The following RNASEH2B variants were observed in gnomAD, a reference collection of about 807,000 sequenced individuals.
The protein encoded by RNASEH2B is Aicardi-Goutieres syndrome 2 protein.
Under a neutral mutation model 45.0 loss-of-function variants are expected in RNASEH2B, and 36 were observed. That is an observed-to-expected ratio of 0.80 (90% CI 0.61 to 1.06). The LOEUF is 1.06. Among genes scored for constraint, RNASEH2B ranks in the 50% least tolerant of loss-of-function variants. The pLI is 0.00. For synonymous variants in RNASEH2B, 119 were observed against 125.7 expected (o/e 0.95, Z 0.35); for missense variants, 361 against 360.3 (o/e 1.00, Z -0.02).
chr13:50,920,943 T>C (rs543232102), intron 1 of RNASEH2B, among the ~76,000 whole-genome samples: 3 of 152,342 alleles, frequency 2.0e-5, no homozygotes, highest in Non-Finnish European at 4.4e-5. Flanking sequence ...GGTTTTAATT[T>C]AATATTTTCT....
At chr13:50,913,591 A>G (rs1459969459) in intron 1 of RNASEH2B, among the ~76,000 whole-genome samples, 1 of 152,214 alleles carries the variant, frequency 6.6e-6, no homozygotes, top group African/African-American at 2.4e-5. Flanking sequence ...CCCCTGATTA[A>G]ACAGTCCTGA....
chr13:50,938,659 A>G (rs542833802), intron 5 of RNASEH2B: 1 of 152,156 alleles, frequency 6.6e-6, no homozygotes, highest in Non-Finnish European at 1.5e-5. Context: ...TGCAGTTGAC[A>G]ATAGGGTTCG....
At chr13:50,956,932 G>A (rs1417176651), downstream of RNASEH2B, among the ~76,000 whole-genome samples, 4 of 142,352 alleles carry the variant, frequency 2.8e-5, no homozygotes, top group South Asian at 2.2e-4. Context: ...ACGGAGTCTC[G>A]CTGTCACCCA....
rs572952064 is a variant in RNASEH2B at position 50,964,177 on chromosome 13, C to T, written c.742-5755C>T. 2.0e-5 allele frequency among the ~76,000 whole-genome samples: 3 copies of T among 152,238 alleles called. No homozygotes were observed. In the South Asian group the frequency reaches 6.2e-4, roughly 32 times the overall value. On this transcript the variant is annotated intron_variant, in intron 9 of 9. Transcript: ENST00000422660. ...TCACACCACTGCACTCCAGTCTGGGCAGTAAGAGGAAACTCCATCTCAAAA... is the reference window on the plus strand; with the variant it reads ...TCACACCACTGCACTCCAGTCTGGGTAGTAAGAGGAAACTCCATCTCAAAA...
chr13:50,909,904 G>A lies in RNASEH2B; in HGVS notation c.-173G>A. 2.0e-6 allele frequency: 1 copy of A among 500,526 alleles called. No individual in the cohort carries two copies. Among genetic ancestry groups the A allele is most frequent in the Non-Finnish European group, 3.5e-6 (1 of 287,080 alleles). The allele number at this position is 500,526 out of a possible 1,614,324, so 31.0% of individuals were successfully genotyped here. A position where few individuals can be genotyped will look rare whatever the true frequency, so the allele number is the denominator to read the frequency against. On this transcript the variant is annotated 5_prime_UTR_variant, in exon 1 of 11. Coordinates refer to ENST00000336617, the MANE Select transcript of RNASEH2B (RefSeq NM_024570.4). Reference sequence around the variant, plus strand: ...ATTTAAAAACGTAACACGAGCAGCAGGCTGGTCTCGGAAACGAAACGAAAT... The same window carrying A: ...ATTTAAAAACGTAACACGAGCAGCAAGCTGGTCTCGGAAACGAAACGAAAT...
At chr13:50,963,969 G>A (rs951119648) in intron 9 of RNASEH2B, among the ~76,000 whole-genome samples, 13 of 152,164 alleles carry the variant, frequency 8.5e-5, no homozygotes, top group Non-Finnish European at 1.9e-4. Flanking sequence ...AGGCCAGGGC[G>A]GGCAGATCAC....
At chr13:50,954,716 AAG>A in intron 10 of RNASEH2B, 1 of 152,332 alleles carries the variant, frequency 6.6e-6, no homozygotes, top group Non-Finnish European at 1.5e-5. Flanking sequence ...AACTAAGACT[AAG>A]AGCTTGGAGA....
rs557026437 is a variant in RNASEH2B at position 50,970,371 on chromosome 13, A to G, written c.*407A>G. On this transcript the variant is annotated 3_prime_UTR_variant, in exon 10 of 10. Coordinates refer to the RNASEH2B transcript ENST00000422660. Reference sequence around the variant, plus strand: ...AAAATCTGACACTGCTTTACTCCATATCAATTTGGAAGCTTCTAATTCATA... The same window carrying G: ...AAAATCTGACACTGCTTTACTCCATGTCAATTTGGAAGCTTCTAATTCATA... 4 of 399,976 alleles carry G rather than the reference A, an allele frequency of 1.0e-5. No individual in the cohort carries two copies. The South Asian group carries it at 1.8e-4, about 18-fold the overall frequency. 24.8% of individuals were successfully genotyped at this position (399,976 alleles called of 1,614,324 possible).
At chr13:50,933,340 G>A (rs1339205784) in intron 4 of RNASEH2B, among the ~76,000 whole-genome samples, 1 of 152,194 alleles carries the variant, frequency 6.6e-6, no homozygotes, top group Non-Finnish European at 1.5e-5. Flanking sequence ...GCGAGCTCAC[G>A]TTGACAAGTG....
downstream of RNASEH2B, among the ~76,000 whole-genome samples, chr13:50,958,987 G>C (rs1952083219): frequency 6.6e-6 from 1 of 152,230 alleles, no homozygotes; most frequent in Non-Finnish European, 1.5e-5. Flanking sequence ...ACAAACAGTG[G>C]GTGTGAAAGC....
chr13:50,970,237 CTTG>C (rs1952208326), exon 10 of RNASEH2B: 1 of 563,988 alleles, frequency 1.8e-6, no homozygotes, highest in South Asian at 2.5e-5. Context: ...GGACCTCAAG[CTTG>C]GGTCAGGCCA....
intron 1 of RNASEH2B, among the ~76,000 whole-genome samples, chr13:50,922,739 A>T (rs1053184251): frequency 5.3e-5 from 8 of 152,354 alleles, no homozygotes; most frequent in African/African-American, 1.7e-4. Flanking sequence ...TGAAGTGCTC[A>T]GTTTTGTTTT....
At chr13:50,949,273 A>C in intron 8 of RNASEH2B, 190 bp from the exon 9 acceptor site, 2 of 591,858 alleles carry the variant, frequency 3.4e-6, no homozygotes, top group East Asian at 2.8e-5. Context: ...AAGGACTTAC[A>C]TATCAAAATA....
At chr13:50,910,198 A>G (rs1464113528) in intron 1 of RNASEH2B, 58 bp downstream of exon 1, 5 of 1,166,192 alleles carry the variant, frequency 4.3e-6, no homozygotes, top group Non-Finnish European at 5.5e-6. Flanking sequence ...GCGGCCCGCG[A>G]CCCCGGGCGC....
At chr13:50,939,671 G>T (rs1951810540) in intron 5 of RNASEH2B, among the ~76,000 whole-genome samples, 1 of 151,980 alleles carries the variant, frequency 6.6e-6, no homozygotes, top group South Asian at 2.1e-4. Context: ...AGATAATTCA[G>T]TGGGAAAAAG....
chr13:50,969,894 T>A, intron 9 of RNASEH2B: 1 of 1,547,174 alleles, frequency 6.5e-7, no homozygotes. Flanking sequence ...CTGTTTCTCC[T>A]CACCAGGACA....
At chr13:50,925,776 G>T (rs762199267) in intron 1 of RNASEH2B, among the ~76,000 whole-genome samples, 1 of 152,108 alleles carries the variant, frequency 6.6e-6, no homozygotes, top group Non-Finnish European at 1.5e-5. Flanking sequence ...AGGACCCTCT[G>T]CAGATCTCTG....
intron 1 of RNASEH2B, chr13:50,912,291 T>TG (rs1879458847): frequency 2.0e-5 from 3 of 152,340 alleles, no homozygotes; most frequent in Admixed American, 1.3e-4. Context: ...GGGCATCATT[T>TG]ACCTGGGGAG....
intron 5 of RNASEH2B, chr13:50,941,075 A>G (rs1191910903): frequency 1.3e-5 from 2 of 152,230 alleles, no homozygotes; most frequent in Non-Finnish European, 2.9e-5. Context: ...TGATCATTCA[A>G]TAAGAAAATG....
Sources: gnomAD v4.1 joint callset for allele counts (sites outside exome capture counted in the v4.1 genomes callset) on GRCh38, gnomAD v4.1.1 for gene constraint, MANE v1.5 for transcripts, NCBI Gene and HGNC (gene_info 2026-07-23, HGNC 2026-07-21) for gene names.